CDH13: variants seen among roughly 807,000 people sequenced by gnomAD.
CDH13 encodes the protein cadherin 13, also known as cadherin-13.
In CDH13, 24 loss-of-function variants were observed where a neutral mutation model predicts 63.8. The ratio of observed to expected loss-of-function variants is 0.38; its 90% CI spans 0.27 to 0.53. The LOEUF (loss-of-function observed/expected upper bound fraction) is 0.53, where lower values mean the gene tolerates loss of function less well. Among genes scored for constraint, CDH13 ranks in the 20% least tolerant of loss-of-function variants. The pLI, the probability that CDH13 is intolerant of heterozygous loss-of-function variation, is 0.85. For missense variants in CDH13, 1,049 were observed against 903.1 expected (o/e 1.16, Z -2.07); for synonymous variants, 503 against 355.3 (o/e 1.42, Z -4.67).
chr16:83,069,538 G>A (rs2032281518), intron 3 of CDH13, among the ~76,000 whole-genome samples: 1 of 152,148 alleles, frequency 6.6e-6, no homozygotes, highest in South Asian at 2.1e-4. Context: ...AAGAGGGTAA[G>A]TCACCATCCA....
At chr16:83,185,005 T>C (rs1218793830) in intron 4 of CDH13, among the ~76,000 whole-genome samples, 1 of 152,082 alleles carries the variant, frequency 6.6e-6, no homozygotes, top group East Asian at 1.9e-4. Flanking sequence ...TGGGTATATA[T>C]ACACTTTCCT....
At chr16:83,242,723 T>C (rs1250406805) in intron 5 of CDH13, among the ~76,000 whole-genome samples, 2 of 152,194 alleles carry the variant, frequency 1.3e-5, no homozygotes, top group Admixed American at 1.3e-4. Flanking sequence ...TTTTAGATGA[T>C]TGTCTTCTTG....
At chr16:83,408,897 C>G (rs920965598) in intron 6 of CDH13, among the ~76,000 whole-genome samples, 2 of 152,174 alleles carry the variant, frequency 1.3e-5, no homozygotes, top group Non-Finnish European at 2.9e-5. Flanking sequence ...GATGCAGAGA[C>G]TAAGCCCAAG....
intron 5 of CDH13, among the ~76,000 whole-genome samples, chr16:83,238,403 A>C (rs1904282833): frequency 6.6e-6 from 1 of 152,174 alleles, no homozygotes; most frequent in African/African-American, 2.4e-5. Context: ...TATCACGAGA[A>C]CAGCATGGGA....
At chr16:83,049,305 T>C (rs2030008252) in intron 3 of CDH13, among the ~76,000 whole-genome samples, 1 of 149,010 alleles carries the variant, frequency 6.7e-6, no homozygotes, top group Non-Finnish European at 1.5e-5. Flanking sequence ...ATACAATACT[T>C]GGGCATTTAT....
intron 8 of CDH13, among the ~76,000 whole-genome samples, chr16:83,650,318 A>G (rs1164056036): frequency 6.6e-6 from 1 of 152,238 alleles, no homozygotes; most frequent in Non-Finnish European, 1.5e-5. Context: ...CATAATAATT[A>G]TAGTCTTTGG....
At chr16:83,190,742 G>T (rs551396260) in intron 4 of CDH13, among the ~76,000 whole-genome samples, 1 of 152,294 alleles carries the variant, frequency 6.6e-6, no homozygotes, top group Admixed American at 6.5e-5. Flanking sequence ...TGTGAAGATT[G>T]CAATTAGTTA....
intron 2 of CDH13, among the ~76,000 whole-genome samples, chr16:82,909,425 T>G (rs2041757167): frequency 6.6e-6 from 1 of 152,190 alleles, no homozygotes; most frequent in African/African-American, 2.4e-5. Context: ...TTTTAACATT[T>G]TAAGTTGTTT....
chr16:82,681,123 C>G (rs1471200434), intron 1 of CDH13, among the ~76,000 whole-genome samples: 2 of 152,178 alleles, frequency 1.3e-5, no homozygotes, highest in Non-Finnish European at 2.9e-5. Context: ...TGGGAAGACT[C>G]TGGTGTCTGA....
rs570130736 is a variant in CDH13, at chr16:83,087,163, C to T, written c.367-38222C>T. On this transcript the variant is annotated intron_variant, in intron 3 of 13. Coordinates refer to ENST00000567109, the MANE Select transcript of CDH13 (RefSeq NM_001257.5). ...TTAATCCTGATGAAAATAATTCCAG[C>T]AAAGTAAAATTGATTTTTTTAATTC... is the stretch of plus-strand genomic sequence containing the variant. Among the ~76,000 whole-genome samples the T allele has an allele frequency of 1.2e-3, 177 of 152,156 alleles. 1 individual carries two copies. The highest frequency in any genetic ancestry group is 4.1e-3 in the African/African-American group (169 of 41,504).
chr16:83,185,294 A>T (rs377609269), intron 4 of CDH13, among the ~76,000 whole-genome samples: 1 of 152,218 alleles, frequency 6.6e-6, no homozygotes, highest in East Asian at 1.9e-4. Flanking sequence ...AAAAGAAATA[A>T]GAATAATAAC....
At chr16:82,931,382 A>C (rs534721827) in intron 2 of CDH13, among the ~76,000 whole-genome samples, 10 of 152,368 alleles carry the variant, frequency 6.6e-5, no homozygotes, top group African/African-American at 2.4e-4. Flanking sequence ...CATCTGTTCC[A>C]GAAAGACTTG....
chr16:83,781,339 G>T (rs1208369627), intron 12 of CDH13, among the ~76,000 whole-genome samples: 2 of 152,158 alleles, frequency 1.3e-5, no homozygotes, highest in Non-Finnish European at 1.5e-5. Context: ...GAAAAAGAAA[G>T]ACATTAGACA....
intron 4 of CDH13, among the ~76,000 whole-genome samples, chr16:83,160,250 G>A (rs2037389874): frequency 6.6e-6 from 1 of 152,062 alleles, no homozygotes; most frequent in Non-Finnish European, 1.5e-5. Flanking sequence ...CTCTGGTGGG[G>A]GTCATTGGTA....
At chr16:83,663,997 C>CAAA (rs77224826) in intron 8 of CDH13, among the ~76,000 whole-genome samples, 1 of 86,590 alleles carries the variant, frequency 1.2e-5, no homozygotes, top group Admixed American at 1.3e-4. Flanking sequence ...CCCATCTCTA[C>CAAA]AAAAAAAAAA....
rs1301049864 is a variant in CDH13, at chr16:83,015,685, A to G, written c.158-16325A>G. ...TGTGTGTGTGTGTGTATGTATATAT[A>G]TATATATATATATATATATATATAT... On this transcript the variant is annotated intron_variant, in intron 2 of 13. Coordinates refer to ENST00000567109, the MANE Select transcript of CDH13 (RefSeq NM_001257.5). 1.9e-3 allele frequency among the ~76,000 whole-genome samples: 148 copies of G among 77,332 alleles called. 1 individual carries two copies. Among genetic ancestry groups the G allele is most frequent in the Middle Eastern group, 0.01 (2 of 196 alleles). The allele number at this position is 77,332 out of a possible 152,430, so 50.7% of individuals were successfully genotyped here.
At chr16:83,489,755 T>C (rs1031834296) in intron 7 of CDH13, among the ~76,000 whole-genome samples, 3 of 152,162 alleles carry the variant, frequency 2.0e-5, no homozygotes, top group Admixed American at 1.3e-4. Context: ...AGAAGGCCTG[T>C]CTTAGGTGTG....
rs376226504 is a variant in CDH13 at position 82,851,301 on chromosome 16, G to A, written c.46-7061G>A. Among the ~76,000 whole-genome samples the A allele has an allele frequency of 2.4e-4, 36 of 152,118 alleles. 1 individual carries two copies. The highest frequency in any genetic ancestry group is 1.7e-3 in the East Asian group (9 of 5,172). ...ATACAAAAAATTAGCTGGGCATAGT[G>A]GCGGATGCCTGTAATCCCAGCTACT... On this transcript the variant is annotated intron_variant, in intron 1 of 13. Transcript: ENST00000567109.
intron 2 of CDH13, among the ~76,000 whole-genome samples, chr16:82,946,692 G>A (rs1052997636): frequency 6.6e-6 from 1 of 151,714 alleles, no homozygotes; most frequent in South Asian, 2.1e-4. Flanking sequence ...CTGCACTCCA[G>A]CGTGGGTGAC....
Sources: gnomAD v4.1 joint callset for allele counts (sites outside exome capture counted in the v4.1 genomes callset) on GRCh38, gnomAD v4.1.1 for gene constraint, MANE v1.5 for transcripts, NCBI Gene and HGNC (gene_info 2026-07-23, HGNC 2026-07-21) for gene names.